The following VPS13C variants were observed in gnomAD, a reference collection of about 807,000 sequenced individuals.
VPS13C encodes the protein intermembrane lipid transfer protein VPS13C.
VPS13C carries 358 observed loss-of-function variants against 456.8 expected under a neutral mutation model. The ratio of observed to expected loss-of-function variants is 0.78; its 90% confidence interval spans 0.72 to 0.86. VPS13C has a LOEUF of 0.86. VPS13C is among the 40% of genes least tolerant of loss of function. VPS13C has a pLI of 0.00. For missense variants in VPS13C, 4,818 were observed against 4,385.4 expected, an observed-to-expected ratio of 1.10 and a Z score of -2.79; for synonymous variants, 1,578 against 1,486.7, an observed-to-expected ratio of 1.06 and a Z score of -1.41.
intron 16 of VPS13C, among the ~76,000 whole-genome samples, chr15:61,997,753 T>G (rs979411512): frequency 6.6e-6 from 1 of 152,202 alleles, no homozygotes; most frequent in Non-Finnish European, 1.5e-5. Flanking sequence ...TCTGATCACC[T>G]TTATTTGCAA....
rs755555153 is a variant in VPS13C at position 61,967,467 on chromosome 15, A to G, written c.2912-20T>C. 7 of 1,551,384 alleles carry G rather than the reference A, an allele frequency of 4.5e-6. No individual in the cohort carries two copies. Among genetic ancestry groups the G allele is most frequent in the African/African-American group, 1.4e-5 (1 of 71,312 alleles). ...TGGATCCTAGATTAAAGAAAAAGGA[A>G]AAAAAAGTGTTTCAAATAAATTGCT... On this transcript the variant is annotated intron_variant, in intron 28 of 84. Coordinates refer to ENST00000644861, the MANE Select transcript of VPS13C (RefSeq NM_020821.3).
intron 1 of VPS13C, among the ~76,000 whole-genome samples, chr15:62,047,356 T>A (rs906790582): frequency 6.6e-6 from 1 of 151,824 alleles, no homozygotes; most frequent in Non-Finnish European, 1.5e-5. Flanking sequence ...GAGAACTGCT[T>A]GAACCTGGGA....
At chr15:61,926,084 G>A (rs148826207) in intron 52 of VPS13C, among the ~76,000 whole-genome samples, 208 of 152,114 alleles carry the variant, frequency 1.4e-3, no homozygotes, top group African/African-American at 4.6e-3. Flanking sequence ...CAATTAGTAC[G>A]GCATAATTGT....
rs1285403537 is a variant in VPS13C, at chr15:61,960,435, ATTATAATGGGACAACT to A, written c.3909-856_3909-841del. ...AATGGACATTCCTATAATGCGAATT[ATTATAATGGGACAACT>A]GGTAAAATCTGAATATTGACTGAAT... On this transcript the variant is annotated intron_variant, in intron 35 of 84. Coordinates refer to ENST00000644861, the MANE Select transcript of VPS13C (RefSeq NM_020821.3). Among the ~76,000 whole-genome samples the A allele has an allele frequency of 2.6e-5, 4 of 152,202 alleles. No homozygotes were observed. The East Asian group carries it at 7.7e-4, about 29-fold the overall frequency.
intron 73 of VPS13C, among the ~76,000 whole-genome samples, chr15:61,879,159 T>C (rs183310333): frequency 1.4e-4 from 21 of 152,192 alleles, no homozygotes; most frequent in African/African-American, 4.1e-4. Flanking sequence ...TTTTTAAAAG[T>C]ATAATAAGGC....
chr15:61,931,078 G>C lies in VPS13C; in HGVS notation c.6038+12C>G. 6.2e-7 allele frequency: 1 copy of C among 1,613,778 alleles called. No individual in the cohort carries two copies. The highest frequency in any genetic ancestry group is 8.5e-7 in the Non-Finnish European group (1 of 1,180,000). ...CCTTAAATAATGTATTGCAAACTCA[G>C]AGCTGACAAACCTCGATGTTGCTCT... is the stretch of plus-strand genomic sequence containing the variant. On this transcript the variant is annotated intron_variant, in intron 50 of 84. Transcript: ENST00000644861.
intron 81 of VPS13C, chr15:61,864,979 G>T: frequency 1.0e-6 from 1 of 983,820 alleles, no homozygotes; most frequent in Non-Finnish European, 1.2e-6. Flanking sequence ...AGGCTATTGT[G>T]CTTCAAGCCA....
At chr15:61,931,731 C>T (rs1596347422) in intron 49 of VPS13C, among the ~76,000 whole-genome samples, 5 of 151,914 alleles carry the variant, frequency 3.3e-5, no homozygotes, top group African/African-American at 1.2e-4. Flanking sequence ...CGCCCACCAC[C>T]ATGCCCGGCT....
chr15:61,889,737 TC>T (rs1896539544), intron 67 of VPS13C, among the ~76,000 whole-genome samples: 2 of 152,154 alleles, frequency 1.3e-5, no homozygotes, highest in African/African-American at 4.8e-5. Flanking sequence ...TCTGTTGGTT[TC>T]CCCCTAACTC....
intron 15 of VPS13C, among the ~76,000 whole-genome samples, chr15:62,001,714 T>G (rs1356778069): frequency 2.0e-5 from 3 of 152,262 alleles, no homozygotes; most frequent in East Asian, 3.9e-4. Context: ...TTCCCCTTCC[T>G]GTGTCCATGT....
chr15:61,902,064 C>T (rs75762752), intron 66 of VPS13C, among the ~76,000 whole-genome samples: 8 of 137,508 alleles, frequency 5.8e-5, no homozygotes, highest in Non-Finnish European at 1.1e-4. Context: ...CTGAACAATG[C>T]GATCACATGG....
chr15:62,046,479 G>T (rs2048406961), intron 1 of VPS13C, among the ~76,000 whole-genome samples: 1 of 152,158 alleles, frequency 6.6e-6, no homozygotes, highest in Admixed American at 6.5e-5. Context: ...TTACAATTGG[G>T]AAGTCTATTC....
At chr15:62,003,181 C>G (rs1484101380) in intron 15 of VPS13C, among the ~76,000 whole-genome samples, 1 of 151,758 alleles carries the variant, frequency 6.6e-6, no homozygotes, top group Non-Finnish European at 1.5e-5. Flanking sequence ...TGTTTGTGTC[C>G]TCTTTTATTT....
intron 39 of VPS13C, among the ~76,000 whole-genome samples, chr15:61,951,551 A>G (rs2044792260): frequency 6.6e-6 from 1 of 152,124 alleles, no homozygotes; most frequent in Non-Finnish European, 1.5e-5. Flanking sequence ...TTCATTTTTC[A>G]CAAATACATA....
intron 80 of VPS13C, 62 bp from the exon 81 acceptor site, chr15:61,868,835 T>C: frequency 7.7e-7 from 1 of 1,296,926 alleles, no homozygotes; most frequent in East Asian, 2.4e-5. Flanking sequence ...ATAATGTGTG[T>C]GTTGATTAAA....
rs371007037 is a variant in VPS13C, at chr15:62,000,587, C to T, written c.1330G>A (p.Ala444Thr). The T allele has an allele frequency of 2.5e-6, 4 of 1,607,768 alleles. No homozygotes were observed. Among genetic ancestry groups the T allele is most frequent in the Non-Finnish European group, 3.4e-6 (4 of 1,177,918 alleles). ...KTLDVFNIILARQQAQVEVIR... is the reference protein window; with the variant it reads ...KTLDVFNIILTRQQAQVEVIR... ...ACCTCAACTTGTGCTTGTTGCCTTG[C>T]TAAAATTATGTTAAAAACATCTAGA... Residue 444 changes from alanine to threonine, a missense_variant, in exon 16 of 85, where the codon GCA becomes ACA. Physicochemically the swap from Ala to Thr is moderately conservative, Grantham distance 58 (BLOSUM62 0). Transcript: ENST00000644861.
At chr15:61,859,184 A>G (rs895496248) in intron 82 of VPS13C, among the ~76,000 whole-genome samples, 5 of 152,102 alleles carry the variant, frequency 3.3e-5, no homozygotes, top group African/African-American at 1.2e-4. Context: ...AGCCTGGGCA[A>G]CATAGTGAGA....
rs530286090 is a variant in VPS13C, at chr15:62,020,576, T to C, written c.625-38A>G. ...AAAAGATAACAGTAAAATATGCTGA[T>C]GGTGAAGGCGAATCCATGTCCTTTA... On this transcript the variant is annotated intron_variant, in intron 8 of 84. Transcript: ENST00000644861. The C allele has an allele frequency of 2.5e-6, 4 of 1,596,676 alleles. No homozygotes were observed. The South Asian group carries it at 4.4e-5, about 18-fold the overall frequency.
At chr15:62,036,946 A>AT (rs2048020025) in intron 3 of VPS13C, among the ~76,000 whole-genome samples, 1 of 151,090 alleles carries the variant, frequency 6.6e-6, no homozygotes, top group African/African-American at 2.4e-5. Flanking sequence ...TAGGTATAAT[A>AT]TTTTAACCTA....
Sources: allele counts gnomAD v4.1 joint callset (sites outside exome capture counted in the v4.1 genomes callset), GRCh38; gene constraint gnomAD v4.1.1; transcripts MANE v1.5; gene names NCBI Gene and HGNC (gene_info 2026-07-23, HGNC 2026-07-21).